PCDH7: variants seen among roughly 807,000 people sequenced by gnomAD.
PCDH7 encodes the protein protocadherin 7.
Under a neutral mutation model 58.9 loss-of-function variants are expected in PCDH7, and 17 were observed. That is an observed-to-expected ratio of 0.29 (90% CI 0.20 to 0.43). The LOEUF is 0.43. Among genes scored for constraint, PCDH7 ranks in the 20% least tolerant of loss-of-function variants. The probability of loss-of-function intolerance (pLI) is 1.00; values close to 1 mark genes in which losing one functional copy is unlikely to be tolerated. For missense variants in PCDH7, 1,274 were observed against 1,441.0 expected, an observed-to-expected ratio of 0.88 and a Z score of 1.88; for synonymous variants, 664 against 616.4, an observed-to-expected ratio of 1.08 and a Z score of -1.14.
downstream of PCDH7, among the ~76,000 whole-genome samples, chr4:30,734,953 C>T (rs1295784450): frequency 6.6e-6 from 1 of 152,116 alleles, no homozygotes; most frequent in Non-Finnish European, 1.5e-5. Flanking sequence ...TCCCTGCCTT[C>T]CTTGTGTGGT....
At chr4:30,869,507 C>T (rs777766308) in intron 1 of PCDH7, among the ~76,000 whole-genome samples, 3 of 152,116 alleles carry the variant, frequency 2.0e-5, no homozygotes, top group Non-Finnish European at 4.4e-5. Context: ...TTGTTCAACT[C>T]CTACTTATGA....
intron 1 of PCDH7, among the ~76,000 whole-genome samples, chr4:30,891,725 A>C (rs1738626657): frequency 6.6e-6 from 1 of 151,854 alleles, no homozygotes; most frequent in South Asian, 2.1e-4. Flanking sequence ...ACTGCTAGTT[A>C]ATTACATGTT....
At position 30,722,749 on chromosome 4, in the gene PCDH7, G is replaced by T. The variant is rs562711752; in HGVS notation, c.1327G>T (p.Ala443Ser). The T allele has an allele frequency of 1.2e-6, 2 of 1,613,474 alleles. No individual in the cohort carries two copies. The highest frequency in any genetic ancestry group is 4.5e-5 in the East Asian group (2 of 44,878). Residue 443 changes from alanine to serine, a missense_variant, in exon 1 of 2, where the codon GCT becomes TCT. This residue lies in a region of PCDH7 where 731 missense variants were observed against 881.9 expected (regional missense o/e 0.83). Coordinates refer to ENST00000361762, the Ensembl canonical transcript of PCDH7. This position sits in a 1 kb window ranked among gnomAD's most constrained non-coding sequence, Gnocchi z 7.6. ...GGACGTTCTGGTCGACACCCCCATC[G>T]CTCTGGTGCAGGTGTCCGACCGAGA...
At chr4:30,866,155 C>T (rs1734854455) in intron 1 of PCDH7, among the ~76,000 whole-genome samples, 1 of 151,954 alleles carries the variant, frequency 6.6e-6, no homozygotes, top group South Asian at 2.1e-4. Flanking sequence ...CCTTCCATTG[C>T]CCTCCTTTCT....
chr4:30,737,320 G>A (rs139461460), downstream of PCDH7, among the ~76,000 whole-genome samples: 1 of 152,080 alleles, frequency 6.6e-6, no homozygotes, highest in Non-Finnish European at 1.5e-5. Context: ...CTCTTTTTCA[G>A]TTGCATTTAC....
intron 3 of PCDH7, among the ~76,000 whole-genome samples, chr4:31,029,385 C>T (rs1257933646): frequency 3.9e-5 from 6 of 152,176 alleles, no homozygotes; most frequent in Non-Finnish European, 2.9e-5. Flanking sequence ...GGTGCCCAGA[C>T]ATCTAGAGGG....
chr4:30,760,338 C>T (rs1021702468), intron 1 of PCDH7, among the ~76,000 whole-genome samples: 49 of 152,270 alleles, frequency 3.2e-4, no homozygotes, highest in Middle Eastern at 3.4e-3. Flanking sequence ...GTCACTCTTC[C>T]GGCACAGGGC....
intron 1 of PCDH7, among the ~76,000 whole-genome samples, chr4:30,896,232 A>G (rs911968424): frequency 3.3e-5 from 5 of 152,210 alleles, no homozygotes; most frequent in African/African-American, 1.2e-4. Flanking sequence ...ATTTAGTTAC[A>G]TAGATTTGAA....
chr4:30,811,396 T>TA (rs925154303), intron 1 of PCDH7, among the ~76,000 whole-genome samples: 14 of 152,018 alleles, frequency 9.2e-5, no homozygotes, highest in Middle Eastern at 3.4e-3. Context: ...CAATTACCTA[T>TA]AAAAAAAAGG....
chr4:30,978,850 GAC>G (rs1326228049), intron 3 of PCDH7, among the ~76,000 whole-genome samples: 3 of 151,934 alleles, frequency 2.0e-5, no homozygotes, highest in Admixed American at 6.6e-5. Context: ...AAATAACAAA[GAC>G]ACAATTTTCA....
rs148552700 is a variant in PCDH7 at position 30,747,014 on chromosome 4, T to C, written c.70+22418T>C. On this transcript the variant is annotated intron_variant, in intron 1 of 3. Transcript: ENST00000509759. Reference sequence around the variant, plus strand: ...AATCAGAATACAGCAGTATAATGAATCATTTGAACAAGATATATGAAGTCT... The same window carrying C: ...AATCAGAATACAGCAGTATAATGAACCATTTGAACAAGATATATGAAGTCT... Among the ~76,000 whole-genome samples, 397 of 152,330 alleles carry C rather than the reference T, an allele frequency of 2.6e-3. 2 individuals are homozygous for C. Among genetic ancestry groups the C allele is most frequent in the African/African-American group, 9.2e-3 (383 of 41,584 alleles).
At chr4:30,855,294 G>A (rs573854536) in intron 1 of PCDH7, among the ~76,000 whole-genome samples, 6 of 152,286 alleles carry the variant, frequency 3.9e-5, no homozygotes, top group Admixed American at 2.6e-4. Flanking sequence ...AGAATATCCA[G>A]GTAGACCTGG....
intron 1 of PCDH7, among the ~76,000 whole-genome samples, chr4:30,771,609 T>C (rs1042244406): frequency 3.3e-5 from 5 of 152,200 alleles, no homozygotes; most frequent in Non-Finnish European, 7.3e-5. Flanking sequence ...ATGTGATTTT[T>C]AAATTTTGTT....
Position 30,955,499 on chromosome 4 carries a change from G to T in PCDH7, c.*7+5284G>T, listed in dbSNP as rs13148962. Among the ~76,000 whole-genome samples, 40 of 118,698 alleles carry T rather than the reference G, an allele frequency of 3.4e-4. 1 individual carries two copies. Among genetic ancestry groups the T allele is most frequent in the South Asian group, 8.4e-4 (3 of 3,558 alleles). The allele number at this position is 118,698 out of a possible 152,430, so 77.9% of individuals were successfully genotyped here. A position where few individuals can be genotyped will look rare whatever the true frequency, so the allele number is the denominator to read the frequency against. ...TTTTTATTTATTTTATTTTATTATT[G>T]TATTTTATTTTATTTTATTTTATTT... On this transcript the variant is annotated intron_variant, in intron 3 of 3. Transcript: ENST00000509759.
At chr4:31,063,403 C>G (rs1461102727) in intron 3 of PCDH7, among the ~76,000 whole-genome samples, 2 of 151,770 alleles carry the variant, frequency 1.3e-5, no homozygotes, top group African/African-American at 4.8e-5. Flanking sequence ...AAATATTTTA[C>G]AAAAAGATTT....
intron 3 of PCDH7, among the ~76,000 whole-genome samples, chr4:31,082,712 A>G (rs1560630940): frequency 6.8e-6 from 1 of 147,392 alleles, no homozygotes; most frequent in Non-Finnish European, 1.5e-5. Flanking sequence ...ACTTAAAAGT[A>G]GGAACTAAGC....
intron 3 of PCDH7, among the ~76,000 whole-genome samples, chr4:31,050,249 A>G (rs896557214): frequency 6.6e-6 from 1 of 152,126 alleles, no homozygotes; most frequent in African/African-American, 2.4e-5. Flanking sequence ...CAATTTCGAG[A>G]AAAAACTTAT....
intron 3 of PCDH7, among the ~76,000 whole-genome samples, chr4:31,102,953 T>A (rs1413034585): frequency 6.6e-6 from 1 of 152,206 alleles, no homozygotes; most frequent in East Asian, 1.9e-4. Context: ...ATATATAATT[T>A]AGTTTGAACA....
At chr4:31,009,607 TG>T (rs1374831424) in intron 3 of PCDH7, among the ~76,000 whole-genome samples, 14 of 152,110 alleles carry the variant, frequency 9.2e-5, no homozygotes, top group African/African-American at 2.4e-4. Flanking sequence ...AATTTTCAAC[TG>T]TTTTTTTGTT....
Sources: gnomAD v4.1 joint callset for allele counts (sites outside exome capture counted in the v4.1 genomes callset) on GRCh38, gnomAD v4.1.1 for gene constraint, gnomAD v4.1.1 regional missense constraint, Gnocchi (gnomAD v3.1) non-coding constraint, MANE v1.5 for transcripts, NCBI Gene and HGNC (gene_info 2026-07-23, HGNC 2026-07-21) for gene names.